The following GLCE variants were observed in gnomAD, a reference collection of about 807,000 sequenced individuals.
The protein encoded by GLCE is glucuronic acid epimerase, also known as D-glucuronyl C5-epimerase.
In GLCE, 19 loss-of-function variants were observed where a neutral mutation model predicts 47.9. The observed-to-expected ratio is 0.40, with a 90% CI of 0.28 to 0.58. The LOEUF is 0.58. Among genes scored for constraint, GLCE ranks in the 20% least tolerant of loss-of-function variants. GLCE has a pLI of 0.48. For synonymous variants in GLCE, 245 were observed against 263.4 expected (o/e 0.93, Z 0.68); for missense variants, 556 against 743.3 (o/e 0.75, Z 2.93).
At chr15:69,207,590 T>G (rs1436344251) in intron 1 of GLCE, among the ~76,000 whole-genome samples, 1 of 152,152 alleles carries the variant, frequency 6.6e-6, no homozygotes, top group East Asian at 1.9e-4. Context: ...AGTTCATTCC[T>G]TTTCATTTCT....
intron 2 of GLCE, among the ~76,000 whole-genome samples, chr15:69,229,096 T>A (rs1227104922): frequency 1.3e-5 from 2 of 152,220 alleles, no homozygotes; most frequent in Non-Finnish European, 2.9e-5. Flanking sequence ...GATGAAGCTA[T>A]GCTAATATCA....
At chr15:69,212,646 G>A (rs1021429291) in intron 2 of GLCE, among the ~76,000 whole-genome samples, 1 of 152,024 alleles carries the variant, frequency 6.6e-6, no homozygotes, top group African/African-American at 2.4e-5. Context: ...GTCTTTGAAG[G>A]TATTCAGACT....
At chr15:69,215,166 A>T (rs2052287834) in intron 2 of GLCE, among the ~76,000 whole-genome samples, 1 of 152,148 alleles carries the variant, frequency 6.6e-6, no homozygotes, top group African/African-American at 2.4e-5. Context: ...ATATCTACCA[A>T]CAGCAGTTCT....
chr15:69,239,356 T>G (rs937312188), intron 2 of GLCE, among the ~76,000 whole-genome samples: 2 of 152,168 alleles, frequency 1.3e-5, no homozygotes, highest in Non-Finnish European at 2.9e-5. Context: ...TGTAGAAAGA[T>G]AGAAAGCACC....
intron 1 of GLCE, among the ~76,000 whole-genome samples, chr15:69,165,100 G>A (rs2051482623): frequency 6.6e-6 from 1 of 151,450 alleles, no homozygotes; most frequent in South Asian, 2.1e-4. Flanking sequence ...TAAGTTCAGG[G>A]GCACATGTGC....
chr15:69,259,704 G>A (rs891954497), intron 3 of GLCE, among the ~76,000 whole-genome samples: 1 of 152,078 alleles, frequency 6.6e-6, no homozygotes, highest in African/African-American at 2.4e-5. Context: ...TGTGCCAGTT[G>A]CACATTATTG....
chr15:69,161,454 C>T (rs2051419295), intron 1 of GLCE, among the ~76,000 whole-genome samples: 2 of 151,716 alleles, frequency 1.3e-5, no homozygotes, highest in South Asian at 4.2e-4. Context: ...CTGCTTTGCC[C>T]GGAGCGGGGC....
intron 1 of GLCE, among the ~76,000 whole-genome samples, chr15:69,188,421 T>A (rs4776435): frequency 0.65 from 98,478 of 152,064 alleles, 34,654 homozygotes; most frequent in Non-Finnish European, 0.77. Context: ...TGGTGCCCTT[T>A]TAGAATGACT....
At chr15:69,190,564 A>G (rs942551748) in intron 1 of GLCE, among the ~76,000 whole-genome samples, 2 of 152,108 alleles carry the variant, frequency 1.3e-5, no homozygotes, top group African/African-American at 2.4e-5. Context: ...TTACTGTAAA[A>G]TATACTTTAT....
At chr15:69,175,630 T>C (rs889895789) in intron 1 of GLCE, among the ~76,000 whole-genome samples, 1 of 152,236 alleles carries the variant, frequency 6.6e-6, no homozygotes, top group Non-Finnish European at 1.5e-5. Flanking sequence ...CTGTACAAAA[T>C]ACTTGTCATA....
At chr15:69,180,052 A>G (rs1315011856) in intron 1 of GLCE, among the ~76,000 whole-genome samples, 1 of 152,210 alleles carries the variant, frequency 6.6e-6, no homozygotes, top group Non-Finnish European at 1.5e-5. Flanking sequence ...TGAGTGATCA[A>G]ATATTAAAAA....
chr15:69,264,471 C>G (rs2053058882), intron 4 of GLCE, among the ~76,000 whole-genome samples: 3 of 152,140 alleles, frequency 2.0e-5, no homozygotes. Context: ...CATGCCTTGG[C>G]TATTGTGAAT....
chr15:69,203,933 T>C (rs2052111830), intron 1 of GLCE, among the ~76,000 whole-genome samples: 1 of 152,090 alleles, frequency 6.6e-6, no homozygotes, highest in Non-Finnish European at 1.5e-5. Flanking sequence ...AATATGATTT[T>C]TAAAAATAAT....
intron 2 of GLCE, among the ~76,000 whole-genome samples, chr15:69,242,882 C>CTAAAAA (rs199797458): frequency 0.015 from 2,203 of 151,166 alleles, 26 homozygotes; most frequent in Non-Finnish European, 0.024. Flanking sequence ...TTCATCTCTA[C>CTAAAAA]TAAAAATAAA....
chr15:69,182,875 T>G (rs1249167), intron 1 of GLCE, among the ~76,000 whole-genome samples: 1 of 151,892 alleles, frequency 6.6e-6, no homozygotes, highest in African/African-American at 2.4e-5. Context: ...ATTAGTCGGG[T>G]GTGGTGGTGC....
intron 2 of GLCE, among the ~76,000 whole-genome samples, chr15:69,236,938 C>A (rs992827267): frequency 6.6e-6 from 1 of 152,092 alleles, no homozygotes; most frequent in South Asian, 2.1e-4. Context: ...TCCTCTACCC[C>A]CCTTTTTATA....
chr15:69,228,321 C>CA (rs573440605), intron 2 of GLCE, among the ~76,000 whole-genome samples: 312 of 152,246 alleles, frequency 2.0e-3, no homozygotes, highest in Non-Finnish European at 3.5e-3. Context: ...AATTAAAACT[C>CA]ATGATATCAG....
chr15:69,163,706 A>G (rs2051460527), intron 1 of GLCE, among the ~76,000 whole-genome samples: 1 of 152,204 alleles, frequency 6.6e-6, no homozygotes, highest in Non-Finnish European at 1.5e-5. Flanking sequence ...AGAGCGGTTT[A>G]ATTTTATAGT....
chr15:69,254,144 T>G (rs2140436923), intron 2 of GLCE, among the ~76,000 whole-genome samples: 1 of 152,212 alleles, frequency 6.6e-6, no homozygotes, highest in South Asian at 2.1e-4. Context: ...AACGATAAAA[T>G]TAGTTGTTGA....
Sources: allele counts gnomAD v4.1 joint callset (sites outside exome capture counted in the v4.1 genomes callset), GRCh38; gene constraint gnomAD v4.1.1; transcripts MANE v1.5; gene names NCBI Gene and HGNC (gene_info 2026-07-23, HGNC 2026-07-21).